Variants in ERCC2 observed in about 807,000 individuals in gnomAD.
ERCC2 encodes general transcription and DNA repair factor IIH helicase subunit XPD.
A neutral mutation model predicts 99.4 loss-of-function variants in ERCC2; 90 were observed. The observed-to-expected ratio is 0.91, with a 90% confidence interval of 0.76 to 1.08. The LOEUF is 1.08. ERCC2 is among the 50% of genes least tolerant of loss of function. ERCC2 has a pLI of 0.00. For missense variants in ERCC2, 993 were observed against 1,038.1 expected, an observed-to-expected ratio of 0.96 and a Z score of 0.60; for synonymous variants, 497 against 432.4, an observed-to-expected ratio of 1.15 and a Z score of -1.85.
rs1323072013 is a variant in ERCC2 at position 45,363,743 on chromosome 19, C to T, written c.1118G>A (p.Arg373Lys). ...CCCCGCGCGCTGTCTGGGGCCGCAC[C>T]TGAGGGGCTTGCGCTGGATGCACAC... ...QRVCIQRKPLRFCAERLRSLL... is the reference protein window; with the variant it reads ...QRVCIQRKPLKFCAERLRSLL... Residue 373 changes from arginine to lysine, a missense_variant and splice_region_variant, in exon 11 of 23, where the codon AGA (arginine) becomes AAA (lysine). Arg to Lys is a conservative substitution (Grantham distance 26). Transcript: ENST00000391945. The T allele has an allele frequency of 6.5e-7, 1 of 1,532,476 alleles. No homozygotes were observed. Among genetic ancestry groups the T allele is most frequent in the Non-Finnish European group, 8.7e-7 (1 of 1,145,440 alleles). 94.9% of individuals were successfully genotyped at this position (1,532,476 alleles called of 1,614,324 possible).
chr19:45,356,746 G>A (rs1279494320), intron 15 of ERCC2, among the ~76,000 whole-genome samples: 1 of 152,216 alleles, frequency 6.6e-6, no homozygotes, highest in East Asian at 1.9e-4. Flanking sequence ...GGCGGAGGTT[G>A]CAGTGAGCTG....
chr19:45,355,822 T>C, intron 15 of ERCC2, 94 bp from the exon 16 acceptor site: 1 of 1,017,620 alleles, frequency 9.8e-7, no homozygotes, highest in Non-Finnish European at 1.5e-6. Context: ...AGCTTTTTTT[T>C]TTTTTTTTTT....
intron 15 of ERCC2, among the ~76,000 whole-genome samples, chr19:45,356,876 T>C (rs1409799938): frequency 1.3e-5 from 2 of 152,160 alleles, no homozygotes; most frequent in Admixed American, 1.3e-4. Flanking sequence ...CATGTTGACA[T>C]GCACGTGTTA....
intron 5 of ERCC2, among the ~76,000 whole-genome samples, chr19:45,367,898 TTC>T (rs1159484933): frequency 4.6e-5 from 7 of 151,442 alleles, no homozygotes; most frequent in African/African-American, 1.7e-4. Flanking sequence ...TCATGACAAT[TTC>T]TTTTTTTTTT....
chr19:45,355,680 T>A lies in ERCC2; in HGVS notation c.1528A>T (p.Thr510Ser). The A allele has an allele frequency of 1.9e-6, 3 of 1,613,912 alleles. No homozygotes were observed. Among genetic ancestry groups the A allele is most frequent in the Non-Finnish European group, 2.5e-6 (3 of 1,179,946 alleles). Residue 510 changes from threonine to serine, a missense_variant, in exon 16 of 23, where the codon ACC becomes TCC. Thr to Ser is a moderately conservative substitution (Grantham distance 58). Transcript: ENST00000391945. ...GGCAGCATACCAATATCCTCCCGGG[T>A]CTCAAATTTGGAGCTGATGGCCACC... ...DQVAISSKFE[T>S]REDIAVIRNY...
chr19:45,367,099 G>A (rs1257920802), intron 5 of ERCC2, among the ~76,000 whole-genome samples: 2 of 152,128 alleles, frequency 1.3e-5, no homozygotes, highest in Non-Finnish European at 2.9e-5. Flanking sequence ...AGCACTTTGG[G>A]AGGCTGAGGC....
intron 11 of ERCC2, among the ~76,000 whole-genome samples, chr19:45,363,491 C>T (rs369631687): frequency 2.0e-5 from 3 of 152,168 alleles, no homozygotes; most frequent in African/African-American, 7.2e-5. Context: ...CCCACTCTCT[C>T]TTGGGTGGGG....
rs1971672238 is a variant in ERCC2, at chr19:45,350,355, G to GAAAC, written c.*1270_*1273dup. 1 of 1,613,202 alleles carries GAAAC rather than the reference G, an allele frequency of 6.2e-7. No homozygotes were observed. The highest frequency in any genetic ancestry group is 8.5e-7 in the Non-Finnish European group (1 of 1,179,914). ...CTTCTCCGCAGGCCTCAGCCTACCT[G>GAAAC]AAACAGAACAAGTATCAACAAGCGG... On this transcript the variant is annotated 3_prime_UTR_variant, in exon 23 of 23. Transcript: ENST00000391945.
At chr19:45,357,201 C>A in intron 15 of ERCC2, 69 bp downstream of exon 15, 1 of 1,156,884 alleles carries the variant, frequency 8.6e-7, no homozygotes, top group Non-Finnish European at 1.3e-6. Context: ...GTGGGGGAAG[C>A]CAAGGAAGGA....
chr19:45,350,477 A>ATGTCCCCATCTCAGTGTCCCCCATC lies in ERCC2; in HGVS notation c.*1127_*1151dup. On this transcript the variant is annotated 3_prime_UTR_variant, in exon 23 of 23. Coordinates refer to ENST00000391945, the MANE Select transcript of ERCC2 (RefSeq NM_000400.4). ...TGTCTTCCCTCCTGGTGGCTTCTCT[A>ATGTCCCCATCTCAGTGTCCCCCATC]TGTCCCCATCTCAGTGTCCCCCATC... The ATGTCCCCATCTCAGTGTCCCCCATC allele has an allele frequency of 6.2e-7, 1 of 1,612,356 alleles. No individual in the cohort carries two copies. Among genetic ancestry groups the ATGTCCCCATCTCAGTGTCCCCCATC allele is most frequent in the Non-Finnish European group, 8.5e-7 (1 of 1,179,126 alleles).
rs568568967 is a variant in ERCC2 at position 45,356,881 on chromosome 19, G to A, written c.1479+389C>T. On this transcript the variant is annotated intron_variant, in intron 15 of 22. Coordinates refer to ENST00000391945, the MANE Select transcript of ERCC2 (RefSeq NM_000400.4). ...ACTGAGGGCTCATGTTGACATGCAC[G>A]TGTTACAGAGACGGAGACGGAGAGG... Among the ~76,000 whole-genome samples, 5 of 152,298 alleles carry A rather than the reference G, an allele frequency of 3.3e-5. No homozygotes were observed. The East Asian group carries it at 7.7e-4, about 24-fold the overall frequency.
chr19:45,370,552 G>A lies in ERCC2; in HGVS notation c.-12C>T. On this transcript the variant is annotated 5_prime_UTR_variant, in exon 1 of 23. Transcript: ENST00000391945. ...CCTTCTCACTTCATGGCGCCGGCCG[G>A]ACTGTGCAGCGGGGTCGACCCGCCT... 3 of 1,593,480 alleles carry A rather than the reference G, an allele frequency of 1.9e-6. No individual in the cohort carries two copies. The highest frequency in any genetic ancestry group is 2.6e-6 in the Non-Finnish European group (3 of 1,175,124).
chr19:45,351,970 A>G (rs1204477595), intron 22 of ERCC2, among the ~76,000 whole-genome samples: 1 of 152,162 alleles, frequency 6.6e-6, no homozygotes, highest in Non-Finnish European at 1.5e-5. Flanking sequence ...GAAAACGCCC[A>G]ATGCCTCCTC....
chr19:45,363,833 C>T lies in ERCC2; in HGVS notation c.1028G>A (p.Arg343Gln), dbSNP rs1260632618. The change falls in exon 11 of 23, where the codon CGG (arginine) becomes CAG (glutamine). Residue 343 changes from arginine (R) to glutamine (Q), a missense_variant. Coordinates refer to ENST00000391945, the MANE Select transcript of ERCC2 (RefSeq NM_000400.4). ...CTGCACCACATGCTGCACACGCAGC[C>T]GCCACTTCACGTACTCCAGCAGCCG... The part of the protein sequence containing the change: ...LRRLLEYVKW[R>Q]LRVQHVVQES... 4 of 1,545,898 alleles carry T rather than the reference C, an allele frequency of 2.6e-6. No individual in the cohort carries two copies. The highest frequency in any genetic ancestry group is 2.4e-5 in the South Asian group (2 of 84,842).
chr19:45,352,121 G>A, intron 22 of ERCC2, 88 bp downstream of exon 22: 1 of 1,434,812 alleles, frequency 7.0e-7, no homozygotes, highest in Non-Finnish European at 9.7e-7. Context: ...CAGGCAGGCT[G>A]AGGGTGGGGA....
chr19:45,354,929 G>C, intron 16 of ERCC2, 78 bp from the exon 17 acceptor site: 1 of 1,590,964 alleles, frequency 6.3e-7, no homozygotes. Context: ...GGAGTTTCTG[G>C]AAACCCCACT....
At chr19:45,354,984 TCCC>T (rs1303815802) in intron 16 of ERCC2, 133 bp from the exon 17 acceptor site, 74 of 1,177,852 alleles carry the variant, frequency 6.3e-5, no homozygotes, top group Non-Finnish European at 8.1e-5. Context: ...CTCCTCCTCC[TCCC>T]GGGCGTGTCT....
At position 45,351,161 on chromosome 19, in the gene ERCC2, G is replaced by A. The variant is rs1971748100; in HGVS notation, c.*468C>T. ...GAGACCCAGGACAGGAGCAAAGATG[G>A]GTTTTACTTGGGGTAGAGGCGAGGG... On this transcript the variant is annotated 3_prime_UTR_variant, in exon 23 of 23. Transcript: ENST00000391945. The A allele has an allele frequency of 4.4e-6, 7 of 1,589,418 alleles. No homozygotes were observed. Among genetic ancestry groups the A allele is most frequent in the Non-Finnish European group, 5.1e-6 (6 of 1,167,128 alleles).
Position 45,352,515 on chromosome 19 carries a change from A to T in ERCC2, c.2037T>A (p.Phe679Leu). 1 of 1,614,196 alleles carries T rather than the reference A, an allele frequency of 6.2e-7. No individual in the cohort carries two copies. The highest frequency in any genetic ancestry group is 8.5e-7 in the Non-Finnish European group (1 of 1,180,034). ...ACCCCTGAAGCTGCACCTTGTCGGC[A>T]AAGACCATGAGGCCGTAGTCCGTCT... ...RGKTDYGLMV[F>L]ADKRFARGDK... The change falls in exon 21 of 23, where the codon TTT becomes TTA. Residue 679 changes from phenylalanine to leucine, a missense_variant. Phe to Leu is a conservative substitution (Grantham distance 22). This residue lies in a region of ERCC2 where 909 missense variants were observed against 930.8 expected (regional missense o/e 0.98). Coordinates refer to ENST00000391945, the MANE Select transcript of ERCC2 (RefSeq NM_000400.4).
Sources: allele counts gnomAD v4.1 joint callset (sites outside exome capture counted in the v4.1 genomes callset), GRCh38; gene constraint gnomAD v4.1.1; regional missense constraint gnomAD v4.1.1; transcripts MANE v1.5; gene names NCBI Gene and HGNC (gene_info 2026-07-23, HGNC 2026-07-21).